RHOBTB3: variants seen among roughly 807,000 people sequenced by gnomAD.
The protein encoded by RHOBTB3 is Rho related BTB domain containing 3.
In RHOBTB3, 47 loss-of-function variants were observed where a neutral mutation model predicts 67.2. The observed-to-expected ratio is 0.70, with a 90% CI of 0.55 to 0.89. RHOBTB3 has a LOEUF of 0.89. Ranked by LOEUF, RHOBTB3 falls within the 40% of genes least tolerant of loss-of-function variation. The pLI is 0.00. For synonymous variants in RHOBTB3, 273 were observed against 274.2 expected (o/e 1.00, Z 0.04); for missense variants, 631 against 750.0 (o/e 0.84, Z 1.85).
chr5:95,784,515 G>A (rs1043049387), intron 10 of RHOBTB3, among the ~76,000 whole-genome samples: 2 of 151,998 alleles, frequency 1.3e-5, no homozygotes, highest in South Asian at 2.1e-4. Context: ...AATCACTGCC[G>A]TATGTGTACA....
In RHOBTB3 at chr5:95,793,785, G is replaced by A. The variant is rs182513265; in HGVS notation, c.*611G>A. 1.4e-5 allele frequency: 4 copies of A among 290,518 alleles called. No individual in the cohort carries two copies. The highest frequency in any genetic ancestry group is 1.4e-5 in the Non-Finnish European group (2 of 145,956). The allele number at this position is 290,518 out of a possible 1,614,324, so 18.0% of individuals were successfully genotyped here. On this transcript the variant is annotated 3_prime_UTR_variant, in exon 12 of 12. Transcript: ENST00000379982. Reference sequence around the variant, plus strand: ...TCTCCTTTTGGCAATCTGAGTAGGCGGGGAACCTAGGCAGGGCTGGCTTTC... The same window carrying A: ...TCTCCTTTTGGCAATCTGAGTAGGCAGGGAACCTAGGCAGGGCTGGCTTTC...
intron 3 of RHOBTB3, among the ~76,000 whole-genome samples, chr5:95,741,264 G>T (rs1375671621): frequency 6.7e-6 from 1 of 150,276 alleles, no homozygotes; most frequent in African/African-American, 2.4e-5. Context: ...GGAGGCGGAG[G>T]TTACAGTGAA....
At position 95,754,070 on chromosome 5, in the gene RHOBTB3, C is replaced by T. The variant is rs144054265; in HGVS notation, c.683-1326C>T. On this transcript the variant is annotated intron_variant, in intron 5 of 11. Transcript: ENST00000379982. ...GCAGTGAGCCAAGATCATACCACTG[C>T]ACTCCAGTGAGACTCTGTCTCAAAA... Among the ~76,000 whole-genome samples, 1,331 of 152,128 alleles carry T rather than the reference C, an allele frequency of 8.7e-3. 16 individuals carry two copies. The highest frequency in any genetic ancestry group is 0.031 in the African/African-American group (1,285 of 41,454).
intron 8 of RHOBTB3, chr5:95,779,928 A>G (rs375494448): frequency 2.2e-5 from 6 of 276,994 alleles, no homozygotes; most frequent in East Asian, 6.9e-5. Context: ...TTTCAAGCCA[A>G]TTGGAAAGGA....
At chr5:95,730,232 C>A, upstream of RHOBTB3, among the ~76,000 whole-genome samples, 1 of 152,110 alleles carries the variant, frequency 6.6e-6, no homozygotes, top group East Asian at 1.9e-4. Flanking sequence ...CTCAATACCC[C>A]CTCTTTCATA....
At chr5:95,773,051 A>G (rs1212222889) in intron 8 of RHOBTB3, among the ~76,000 whole-genome samples, 1 of 152,232 alleles carries the variant, frequency 6.6e-6, no homozygotes, top group Non-Finnish European at 1.5e-5. Context: ...CATAGGAGGC[A>G]TTGGTATCAA....
chr5:95,720,452 A>G (rs1020769075), intron 1 of RHOBTB3, among the ~76,000 whole-genome samples: 1 of 152,250 alleles, frequency 6.6e-6, no homozygotes, highest in African/African-American at 2.4e-5. Context: ...AGTTAATAAA[A>G]TGCACTGGTT....
At position 95,731,607 on chromosome 5, in the gene RHOBTB3, C is replaced by T; in HGVS notation, c.-76C>T. On this transcript the variant is annotated 5_prime_UTR_variant, in exon 1 of 12. Coordinates refer to ENST00000379982, the MANE Select transcript of RHOBTB3 (RefSeq NM_014899.4). ...GGGATGAGCGGATTGCGGGTGAACTCGCCGCCCGGGGGCCCCGCGAAGCCG... is the reference window on the plus strand; with the variant it reads ...GGGATGAGCGGATTGCGGGTGAACTTGCCGCCCGGGGGCCCCGCGAAGCCG... 1 of 1,596,414 alleles carries T rather than the reference C, an allele frequency of 6.3e-7. No individual in the cohort carries two copies. The highest frequency in any genetic ancestry group is 8.5e-7 in the Non-Finnish European group (1 of 1,172,154).
chr5:95,750,731 C>T (rs766995678), intron 4 of RHOBTB3, among the ~76,000 whole-genome samples: 7 of 151,954 alleles, frequency 4.6e-5, no homozygotes, highest in Non-Finnish European at 8.8e-5. Flanking sequence ...CCTAGGCCTG[C>T]GGGGTGGCCA....
intron 4 of RHOBTB3, among the ~76,000 whole-genome samples, chr5:95,749,725 T>C (rs1213846152): frequency 1.3e-5 from 2 of 152,216 alleles, no homozygotes; most frequent in Non-Finnish European, 2.9e-5. Context: ...TTTTGCTTAT[T>C]GTGAAGGTTC....
intron 4 of RHOBTB3, chr5:95,751,540 A>G (rs1745091216): frequency 6.7e-6 from 1 of 149,566 alleles, no homozygotes; most frequent in African/African-American, 2.6e-5. Flanking sequence ...CCTTCCTTGA[A>G]AAAAAAACTT....
At chr5:95,758,361 G>A (rs529000464) in intron 6 of RHOBTB3, among the ~76,000 whole-genome samples, 18 of 152,104 alleles carry the variant, frequency 1.2e-4, no homozygotes, top group Non-Finnish European at 2.4e-4. Context: ...TAATATTCTG[G>A]GGACATTTGA....
chr5:95,740,257 T>A (rs562069353), intron 3 of RHOBTB3, among the ~76,000 whole-genome samples: 1 of 152,308 alleles, frequency 6.6e-6, no homozygotes, highest in Non-Finnish European at 1.5e-5. Flanking sequence ...CAGTCTCAGG[T>A]ATGTCTTTGT....
At chr5:95,755,793 A>G (rs756740255) in intron 6 of RHOBTB3, 32 bp downstream of exon 6, 3 of 1,607,702 alleles carry the variant, frequency 1.9e-6, no homozygotes, top group African/African-American at 1.3e-5. Context: ...GTTACTTACA[A>G]TCTCATAAGC....
intron 8 of RHOBTB3, among the ~76,000 whole-genome samples, chr5:95,777,894 A>G (rs1745935553): frequency 6.6e-6 from 1 of 152,204 alleles, no homozygotes. Context: ...AGGTGGGAGC[A>G]TCACGTGAAG....
chr5:95,731,741 AG>A (rs1404270883), intron 1 of RHOBTB3, 57 bp downstream of exon 1: 1 of 1,610,196 alleles, frequency 6.2e-7, no homozygotes, highest in Non-Finnish European at 8.5e-7. Flanking sequence ...CGTGCGCCCC[AG>A]GGACAGGGGC....
chr5:95,744,669 C>T (rs1402515560), intron 3 of RHOBTB3, among the ~76,000 whole-genome samples: 1 of 152,136 alleles, frequency 6.6e-6, no homozygotes, highest in Non-Finnish European at 1.5e-5. Flanking sequence ...CCTATATTGG[C>T]TTCCCCCCAT....
chr5:95,718,417 C>G (rs76576394), intron 1 of RHOBTB3, among the ~76,000 whole-genome samples: 1 of 152,122 alleles, frequency 6.6e-6, no homozygotes, highest in African/African-American at 2.4e-5. Context: ...AAGTAAAGAA[C>G]GGATGTGGCT....
upstream of RHOBTB3, among the ~76,000 whole-genome samples, chr5:95,730,646 T>C (rs1755194071): frequency 6.6e-6 from 1 of 152,208 alleles, no homozygotes; most frequent in Non-Finnish European, 1.5e-5. Flanking sequence ...TAAACCCCCA[T>C]ACATAACTTC....
Sources: allele counts gnomAD v4.1 joint callset (sites outside exome capture counted in the v4.1 genomes callset), GRCh38; gene constraint gnomAD v4.1.1; transcripts MANE v1.5; gene names NCBI Gene and HGNC (gene_info 2026-07-23, HGNC 2026-07-21).